The following RFXANK variants were observed in gnomAD, a reference collection of about 807,000 sequenced individuals.
RFXANK encodes DNA-binding protein RFXANK.
In RFXANK, 19 loss-of-function variants were observed where a neutral mutation model predicts 34.5. That is an observed-to-expected ratio of 0.55 (90% CI 0.38 to 0.81). The LOEUF is 0.81. Ranked by LOEUF, RFXANK falls within the 30% of genes least tolerant of loss-of-function variation. The pLI is 0.00. For synonymous variants in RFXANK, 154 were observed against 149.8 expected (o/e 1.03, Z -0.20); for missense variants, 295 against 343.5 (o/e 0.86, Z 1.12).
chr19:19,200,073 C>T (rs1481248382), intron 9 of RFXANK, among the ~76,000 whole-genome samples: 2 of 152,044 alleles, frequency 1.3e-5, no homozygotes, highest in Non-Finnish European at 2.9e-5. Context: ...CAGCTTACTG[C>T]AGCCTCGATC....
intron 9 of RFXANK, among the ~76,000 whole-genome samples, chr19:19,200,581 G>A (rs141594268): frequency 0.027 from 4,080 of 151,744 alleles, 186 homozygotes; most frequent in African/African-American, 0.094. Flanking sequence ...TGAGTAGCTG[G>A]GACTACAGGC....
intron 1 of RFXANK, 83 bp from the exon 2 acceptor site, chr19:19,192,877 G>T (rs370097423): frequency 6.6e-6 from 1 of 152,358 alleles, no homozygotes; most frequent in South Asian, 2.0e-4. Flanking sequence ...CTCACTTTTG[G>T]GGGGCGGGGG....
intron 8 of RFXANK, 99 bp from the exon 9 acceptor site, chr19:19,199,055 T>G: frequency 8.5e-7 from 1 of 1,179,316 alleles, no homozygotes; most frequent in Non-Finnish European, 1.3e-6. Context: ...CACGGCTGCA[T>G]TGTGGGGAAT....
intron 3 of RFXANK, among the ~76,000 whole-genome samples, chr19:19,195,423 C>T (rs1169923290): frequency 6.6e-6 from 1 of 152,026 alleles, no homozygotes; most frequent in African/African-American, 2.4e-5. Context: ...AGGTGATTCT[C>T]CTGCCTCAGC....
intron 3 of RFXANK, among the ~76,000 whole-genome samples, chr19:19,195,205 GTT>G (rs200720955): frequency 1.9e-4 from 22 of 117,792 alleles, no homozygotes; most frequent in Non-Finnish European, 2.2e-4. Flanking sequence ...ACTACAGTCC[GTT>G]TTTTTTTTTT....
Position 19,193,986 on chromosome 19 carries a change from C to T in RFXANK, c.40C>T (p.Gln14Ter). ...GCCTGCAGAAGACCTCATCCAGACCCAGCAGACCCCTGCCTCAGAACTTGG... is the reference window on the plus strand; with the variant it reads ...GCCTGCAGAAGACCTCATCCAGACCTAGCAGACCCCTGCCTCAGAACTTGG... ...TQPAEDLIQT[Q>*]QTPASELGDP... The change falls in exon 3 of 10, where the codon CAG (glutamine) becomes TAG (stop). Residue 14 changes from glutamine to a stop codon, truncating the protein, a stop_gained. Transcript: ENST00000303088. LOFTEE classifies it high-confidence loss of function. 1 of 1,614,224 alleles carries T rather than the reference C, an allele frequency of 6.2e-7. No homozygotes were observed. The highest frequency in any genetic ancestry group is 8.5e-7 in the Non-Finnish European group (1 of 1,180,042).
intron 6 of RFXANK, among the ~76,000 whole-genome samples, 197 bp downstream of exon 6, chr19:19,197,818 G>A (rs1234471463): frequency 2.6e-5 from 4 of 152,020 alleles, no homozygotes; most frequent in Non-Finnish European, 4.4e-5. Context: ...AGACCAGCCC[G>A]GCCAACATGG....
rs770089093 is a variant in RFXANK at position 19,197,271 on chromosome 19, T to A, written c.337+20T>A. Reference sequence around the variant, plus strand: ...GGAAAGGTGCGTGTCCACACACATGTGCTGGCATGTCTGCACCTGGCTGGT... The same window carrying A: ...GGAAAGGTGCGTGTCCACACACATGAGCTGGCATGTCTGCACCTGGCTGGT... On this transcript the variant is annotated intron_variant, in intron 5 of 9. Coordinates refer to ENST00000303088, the MANE Select transcript of RFXANK (RefSeq NM_003721.4). The A allele has an allele frequency of 1.9e-6, 3 of 1,611,620 alleles. No individual in the cohort carries two copies. Among genetic ancestry groups the A allele is most frequent in the Non-Finnish European group, 2.5e-6 (3 of 1,179,660 alleles).
At chr19:19,198,500 C>T in intron 7 of RFXANK, 157 bp from the exon 8 acceptor site, 1 of 995,048 alleles carries the variant, frequency 1.0e-6, no homozygotes, top group Non-Finnish European at 1.5e-6. Context: ...GAGAGGTCTT[C>T]CTGGAGGAAG....
chr19:19,200,369 G>C (rs1029047229), intron 9 of RFXANK, among the ~76,000 whole-genome samples: 2 of 151,658 alleles, frequency 1.3e-5, no homozygotes, highest in African/African-American at 2.4e-5. Flanking sequence ...GTAGAGACGG[G>C]GTTTCACCAT....
In RFXANK at chr19:19,194,079, T is replaced by C. The variant is rs769234114; in HGVS notation, c.133T>C (p.Cys45Arg). Reference protein sequence around the residue: ...SDTVVLSLFPCTPEPVNPEPD... With the variant: ...SDTVVLSLFPRTPEPVNPEPD... ...CACTGTGGTCCTCAGTCTCTTTCCC[T>C]GCACCCCTGAGCCTGTGAATCCTGA... Residue 45 changes from cysteine to arginine, a missense_variant, in exon 3 of 10, where the codon TGC becomes CGC. By Grantham distance (180) the Cys-to-Arg change is radical (BLOSUM62 -3). Coordinates refer to ENST00000303088, the MANE Select transcript of RFXANK (RefSeq NM_003721.4). 3 of 1,614,186 alleles carry C rather than the reference T, an allele frequency of 1.9e-6. No individual in the cohort carries two copies. The highest frequency in any genetic ancestry group is 2.5e-6 in the Non-Finnish European group (3 of 1,180,034).
At chr19:19,198,631 G>A (rs988966024) in intron 7 of RFXANK, 26 bp from the exon 8 acceptor site, 1 of 1,611,860 alleles carries the variant, frequency 6.2e-7, no homozygotes. Context: ...TAAACCTTTG[G>A]TTTCTCCTGC....
chr19:19,198,615 A>T, intron 7 of RFXANK, 42 bp from the exon 8 acceptor site: 2 of 1,606,002 alleles, frequency 1.2e-6, no homozygotes, highest in Non-Finnish European at 8.5e-7. Flanking sequence ...GAGAATGAGG[A>T]AGAGGTAAAC....
intron 2 of RFXANK, among the ~76,000 whole-genome samples, 163 bp from the exon 3 acceptor site, chr19:19,193,776 C>A (rs995218436): frequency 6.6e-6 from 1 of 152,154 alleles, no homozygotes; most frequent in African/African-American, 2.4e-5. Flanking sequence ...TGGTAGACCT[C>A]GAAAGCAGTT....
chr19:19,196,887 A>G, intron 3 of RFXANK, 76 bp from the exon 4 acceptor site: 2 of 1,380,620 alleles, frequency 1.4e-6, no homozygotes, highest in Non-Finnish European at 2.0e-6. Context: ...CAACAAAAAA[A>G]AACAGATGGG....
intron 3 of RFXANK, among the ~76,000 whole-genome samples, chr19:19,194,720 C>T (rs193113092): frequency 4.2e-4 from 63 of 148,494 alleles, no homozygotes; most frequent in African/African-American, 1.4e-3. Context: ...AGGCTGGTCT[C>T]CACCTCCTGG....
Position 19,198,730 on chromosome 19 carries a change from G to A in RFXANK, c.631+7G>A, listed in dbSNP as rs2060644938. ...TGCGTTGAGGCCTTGCTGGGTGAGT[G>A]GGAGTCGGGAGTGGCCCTGGGGGCC... On this transcript the variant is annotated splice_region_variant and intron_variant, in intron 8 of 9. Coordinates refer to ENST00000303088, the MANE Select transcript of RFXANK (RefSeq NM_003721.4). The A allele has an allele frequency of 6.2e-7, 1 of 1,613,828 alleles. No homozygotes were observed. Among genetic ancestry groups the A allele is most frequent in the Non-Finnish European group, 8.5e-7 (1 of 1,180,008 alleles).
At position 19,201,717 on chromosome 19, in the gene RFXANK, T is replaced by G; in HGVS notation, c.781T>G (p.Ter261GlyextTer24). ...QSNLVPADPE[*>G] ...CAACCTGGTGCCCGCTGACCCTGAG[T>G]GAAGGCCGCCTGCCGGGGACTCAGA... The change falls in exon 10 of 10, where the codon TGA becomes GGA. Residue 261 changes from the stop codon to glycine (G), a stop_lost. Coordinates refer to ENST00000303088, the MANE Select transcript of RFXANK (RefSeq NM_003721.4). 6.2e-7 allele frequency: 1 copy of G among 1,613,930 alleles called. No homozygotes were observed. The highest frequency in any genetic ancestry group is 8.5e-7 in the Non-Finnish European group (1 of 1,179,964).
At position 19,201,348 on chromosome 19, in the gene RFXANK, GAT is replaced by G; in HGVS notation, c.713-300_713-299del. 3.2e-6 allele frequency: 3 copies of G among 927,184 alleles called. No individual in the cohort carries two copies. In the Admixed American group the frequency reaches 6.4e-5, roughly 20 times the overall value. The allele number at this position is 927,184 out of a possible 1,614,324, so 57.4% of individuals were successfully genotyped here. On this transcript the variant is annotated intron_variant, in intron 9 of 9. Transcript: ENST00000303088. ...CCCACTGGACCTCCCAAAGTGCTGG[GAT>G]TATAGGTGTGAGCCACCATGCCCAG... is the stretch of plus-strand genomic sequence containing the variant.
Sources: allele counts gnomAD v4.1 joint callset (sites outside exome capture counted in the v4.1 genomes callset), GRCh38; gene constraint gnomAD v4.1.1; transcripts MANE v1.5; gene names NCBI Gene and HGNC (gene_info 2026-07-23, HGNC 2026-07-21).